The following SIKE1 variants were observed in gnomAD, a reference collection of about 807,000 sequenced individuals.
SIKE1 encodes the protein suppressor of IKK epsilon.
SIKE1 carries 13 observed loss-of-function variants against 25.8 expected under a neutral mutation model. The observed-to-expected ratio is 0.50, with a 90% CI of 0.33 to 0.80. The LOEUF (loss-of-function observed/expected upper bound fraction) is 0.80, where lower values mean the gene tolerates loss of function less well. SIKE1 is among the 30% of genes least tolerant of loss of function. SIKE1 has a pLI of 0.02. For synonymous variants in SIKE1, 86 were observed against 95.5 expected (o/e 0.90, Z 0.58); for missense variants, 222 against 252.4 (o/e 0.88, Z 0.82).
At chr1:114,776,508 G>C in intron 3 of SIKE1, 49 bp from the exon 4 acceptor site, 1 of 1,196,796 alleles carries the variant, frequency 8.4e-7, no homozygotes. Flanking sequence ...CTGTTCTGTA[G>C]ATATAAAGAA....
In SIKE1 at chr1:114,771,182, T is replaced by C. The variant is rs1205073058; in HGVS notation, c.*3089A>G. 6.6e-6 allele frequency: 1 copy of C among 152,234 alleles called. No individual in the cohort carries two copies. Among genetic ancestry groups the C allele is most frequent in the Non-Finnish European group, 1.5e-5 (1 of 68,036 alleles). 9.4% of individuals were successfully genotyped at this position (152,234 alleles called of 1,614,324 possible). ...AAAGACAGAACTGCACCTTTTCCTG[T>C]ATATAGTAAGAGTCACTGATTAAAC... On this transcript the variant is annotated 3_prime_UTR_variant, in exon 5 of 5. Coordinates refer to ENST00000060969, the MANE Select transcript of SIKE1 (RefSeq NM_025073.3).
At chr1:114,780,379 C>T in intron 1 of SIKE1, 70 bp downstream of exon 1, 3 of 1,609,606 alleles carry the variant, frequency 1.9e-6, no homozygotes, top group Non-Finnish European at 1.7e-6. Flanking sequence ...GCCGAGTTCC[C>T]ACTTTACCTC....
Position 114,770,049 on chromosome 1 carries a change from A to C in SIKE1, c.*4222T>G, listed in dbSNP as rs904678599. The C allele has an allele frequency of 6.6e-6, 1 of 152,232 alleles. No individual in the cohort carries two copies. Among genetic ancestry groups the C allele is most frequent in the African/African-American group, 2.4e-5 (1 of 41,450 alleles). 9.4% of individuals were successfully genotyped at this position (152,232 alleles called of 1,614,324 possible). A position where few individuals can be genotyped will look rare whatever the true frequency, so the allele number is the denominator to read the frequency against. ...CAGGTTAGTTTTAATAACAGCAAAA[A>C]AATGATTTTATTAAAAGTAATTCTC... On this transcript the variant is annotated 3_prime_UTR_variant, in exon 5 of 5. Transcript: ENST00000060969.
intron 4 of SIKE1, among the ~76,000 whole-genome samples, chr1:114,775,636 C>T (rs1662216567): frequency 1.3e-5 from 2 of 151,360 alleles, no homozygotes; most frequent in African/African-American, 4.9e-5. Context: ...CCTCTGAGTA[C>T]CTGGGATTAC....
At position 114,773,805 on chromosome 1, in the gene SIKE1, G is replaced by C. The variant is rs1662135050; in HGVS notation, c.*466C>G. The C allele has an allele frequency of 6.6e-6, 1 of 152,598 alleles. No homozygotes were observed. The highest frequency in any genetic ancestry group is 1.5e-5 in the Non-Finnish European group (1 of 68,148). 9.5% of individuals were successfully genotyped at this position (152,598 alleles called of 1,614,324 possible). ...GACATTACAAATCAGAGAATCTGCT[G>C]ATCTAGTTCTGTGGAATTGTATTAT... On this transcript the variant is annotated 3_prime_UTR_variant, in exon 5 of 5. Coordinates refer to ENST00000060969, the MANE Select transcript of SIKE1 (RefSeq NM_025073.3).
chr1:114,780,253 G>A, intron 1 of SIKE1, 38 bp from the exon 2 acceptor site: 1 of 1,573,150 alleles, frequency 6.4e-7, no homozygotes, highest in Non-Finnish European at 8.7e-7. Flanking sequence ...GCCTTAAAGA[G>A]AACAGCGGCA....
Position 114,771,649 on chromosome 1 carries a change from T to C in SIKE1, c.*2622A>G, listed in dbSNP as rs1316409227. 1 of 152,236 alleles carries C rather than the reference T, an allele frequency of 6.6e-6. No homozygotes were observed. Among genetic ancestry groups the C allele is most frequent in the East Asian group, 1.9e-4 (1 of 5,200 alleles). The allele number at this position is 152,236 out of a possible 1,614,324, so 9.4% of individuals were successfully genotyped here. On this transcript the variant is annotated 3_prime_UTR_variant, in exon 5 of 5. Coordinates refer to ENST00000060969, the MANE Select transcript of SIKE1 (RefSeq NM_025073.3). ...TTTCTATTTCCCTCCTACCCATTTATTATCTCTATTGAATTCTCAAGTTTA... is the reference window on the plus strand; with the variant it reads ...TTTCTATTTCCCTCCTACCCATTTACTATCTCTATTGAATTCTCAAGTTTA...
At position 114,771,140 on chromosome 1, in the gene SIKE1, G is replaced by T. The variant is rs997344995; in HGVS notation, c.*3131C>A. ...AGCATGAGGGATGTAAGCCAATATG[G>T]TAAGGAGGCAGATTTGAAAGACAGA... On this transcript the variant is annotated 3_prime_UTR_variant, in exon 5 of 5. Coordinates refer to ENST00000060969, the MANE Select transcript of SIKE1 (RefSeq NM_025073.3). 8 of 152,196 alleles carry T rather than the reference G, an allele frequency of 5.3e-5. No individual in the cohort carries two copies. The highest frequency in any genetic ancestry group is 2.6e-4 in the Admixed American group (4 of 15,280). The allele number at this position is 152,196 out of a possible 1,614,324, so 9.4% of individuals were successfully genotyped here. A position where few individuals can be genotyped will look rare whatever the true frequency, so the allele number is the denominator to read the frequency against.
intron 2 of SIKE1, among the ~76,000 whole-genome samples, 194 bp downstream of exon 2, chr1:114,779,916 T>C (rs1457146875): frequency 6.6e-6 from 1 of 152,140 alleles, no homozygotes; most frequent in Non-Finnish European, 1.5e-5. Flanking sequence ...AGCACCTCTT[T>C]GGTAAGCTGC....
chr1:114,775,038 A>T (rs903018629), intron 4 of SIKE1, among the ~76,000 whole-genome samples: 5 of 152,220 alleles, frequency 3.3e-5, no homozygotes, highest in African/African-American at 9.6e-5. Context: ...GTATTAAGGT[A>T]GAATTTGCCC....
chr1:114,778,842 A>G (rs895145457), intron 3 of SIKE1: 5 of 364,774 alleles, frequency 1.4e-5, no homozygotes, highest in Non-Finnish European at 2.5e-5. Flanking sequence ...CCTGGGCAAC[A>G]TGGCGAAATG....
intron 1 of SIKE1, 48 bp downstream of exon 1, chr1:114,780,401 T>C (rs1200452835): frequency 6.2e-7 from 1 of 1,610,196 alleles, no homozygotes; most frequent in East Asian, 2.4e-5. Flanking sequence ...CTCTCCACCC[T>C]TCAGTGCCCA....
chr1:114,780,434 T>C lies in SIKE1; in HGVS notation c.159+15A>G. 1 of 1,612,820 alleles carries C rather than the reference T, an allele frequency of 6.2e-7. No individual in the cohort carries two copies. Among genetic ancestry groups the C allele is most frequent in the Non-Finnish European group, 8.5e-7 (1 of 1,180,016 alleles). On this transcript the variant is annotated intron_variant, in intron 1 of 4. Transcript: ENST00000060969. ...CCAGAATCCGAGAGCACTGGACTCCTACCCTCTGCCTGACCTGGTCCGGAA... is the reference window on the plus strand; with the variant it reads ...CCAGAATCCGAGAGCACTGGACTCCCACCCTCTGCCTGACCTGGTCCGGAA...
rs745593181 is a variant in SIKE1, at chr1:114,780,628, C to T, written c.-21G>A. 5 of 1,584,626 alleles carry T rather than the reference C, an allele frequency of 3.2e-6. No homozygotes were observed. The highest frequency in any genetic ancestry group is 2.7e-5 in the African/African-American group (2 of 74,212). The stretch of plus-strand genomic sequence containing the variant: ...CTCATAGCAGCAGCACCACCCCAGC[C>T]CCTGCCGGGCTCAGCTACGCGACTC... On this transcript the variant is annotated 5_prime_UTR_variant, in exon 1 of 5. Transcript: ENST00000060969.
rs184050409 is a variant in SIKE1 at position 114,773,303 on chromosome 1, A to T, written c.*968T>A. ...TTAAACAAAAAAAAAGAAAAAAGATAAAAAAAAACCCTGCTTCTATGTAAA... is the reference window on the plus strand; with the variant it reads ...TTAAACAAAAAAAAAGAAAAAAGATTAAAAAAAACCCTGCTTCTATGTAAA... On this transcript the variant is annotated 3_prime_UTR_variant, in exon 5 of 5. Coordinates refer to ENST00000060969, the MANE Select transcript of SIKE1 (RefSeq NM_025073.3). The T allele has an allele frequency of 1.1e-4, 17 of 150,662 alleles. No homozygotes were observed. In the East Asian group the frequency reaches 1.7e-3, roughly 16 times the overall value. 9.3% of individuals were successfully genotyped at this position (150,662 alleles called of 1,614,324 possible). A position where few individuals can be genotyped will look rare whatever the true frequency, so the allele number is the denominator to read the frequency against.
chr1:114,780,025 G>T, intron 2 of SIKE1, 85 bp downstream of exon 2: 2 of 940,370 alleles, frequency 2.1e-6, no homozygotes, highest in Non-Finnish European at 3.3e-6. Context: ...TACTGACCTG[G>T]AAATATATGT....
At position 114,776,197 on chromosome 1, in the gene SIKE1, G is replaced by T. The variant is rs1662233914; in HGVS notation, c.522+149C>A. On this transcript the variant is annotated intron_variant, in intron 4 of 4. Transcript: ENST00000060969. ...TACTATATTTCCTTTCTTCAAAAGG[G>T]TATAAAAGGGTATGAAGGAGGAGTT... The T allele has an allele frequency of 4.9e-6, 3 of 607,364 alleles. No individual in the cohort carries two copies. In the South Asian group the frequency reaches 6.1e-5, roughly 12 times the overall value. 37.6% of individuals were successfully genotyped at this position (607,364 alleles called of 1,614,324 possible).
intron 3 of SIKE1, among the ~76,000 whole-genome samples, chr1:114,778,168 G>C (rs1302679999): frequency 6.6e-6 from 1 of 152,078 alleles, no homozygotes; most frequent in Non-Finnish European, 1.5e-5. Context: ...ACATCTCACA[G>C]AAGTAGTAGG....
intron 2 of SIKE1, among the ~76,000 whole-genome samples, chr1:114,779,677 C>T (rs1446981984): frequency 6.6e-6 from 1 of 152,136 alleles, no homozygotes; most frequent in African/African-American, 2.4e-5. Flanking sequence ...ACTATTAATA[C>T]CACAATCATT....
Sources: gnomAD v4.1 joint callset for allele counts (sites outside exome capture counted in the v4.1 genomes callset) on GRCh38, gnomAD v4.1.1 for gene constraint, MANE v1.5 for transcripts, NCBI Gene and HGNC (gene_info 2026-07-23, HGNC 2026-07-21) for gene names.